Variants in MAPK8 observed in about 807,000 individuals in gnomAD.
MAPK8 encodes JUN N-terminal kinase.
A neutral mutation model predicts 52.9 loss-of-function variants in MAPK8; 13 were observed. The ratio of observed to expected loss-of-function variants is 0.25; its 90% CI spans 0.16 to 0.39. The LOEUF (loss-of-function observed/expected upper bound fraction) is 0.39, where lower values mean the gene tolerates loss of function less well. Ranked by LOEUF, MAPK8 falls within the 10% of genes least tolerant of loss-of-function variation. MAPK8 has a pLI of 1.00. For synonymous variants in MAPK8, 191 were observed against 169.8 expected, an observed-to-expected ratio of 1.12 and a Z score of -0.97; for missense variants, 300 against 519.2, an observed-to-expected ratio of 0.58 and a Z score of 4.10.
chr10:48,399,087 C>T (rs560476804), intron 1 of MAPK8, among the ~76,000 whole-genome samples: 5 of 152,276 alleles, frequency 3.3e-5, no homozygotes, highest in African/African-American at 7.2e-5. Flanking sequence ...CTTGCTTAAA[C>T]GTCATGTTGT....
chr10:48,434,147 T>C (rs527283831), intron 11 of MAPK8, among the ~76,000 whole-genome samples: 1 of 152,314 alleles, frequency 6.6e-6, no homozygotes, highest in Admixed American at 6.5e-5. Flanking sequence ...GCTTGTTAGG[T>C]AATACTTTCG....
intron 1 of MAPK8, among the ~76,000 whole-genome samples, chr10:48,345,708 G>T (rs899452443): frequency 1.3e-5 from 2 of 152,180 alleles, no homozygotes; most frequent in Non-Finnish European, 2.9e-5. Flanking sequence ...AGAACTGGGT[G>T]GATCTGCTCA....
At chr10:48,371,460 A>AT (rs771022438) in intron 1 of MAPK8, among the ~76,000 whole-genome samples, 3 of 151,956 alleles carry the variant, frequency 2.0e-5, no homozygotes, top group East Asian at 3.9e-4. Context: ...TTATTCAAGG[A>AT]TTTTTTTCCC....
At chr10:48,414,405 A>G (rs1350906923) in intron 5 of MAPK8, among the ~76,000 whole-genome samples, 2 of 145,648 alleles carry the variant, frequency 1.4e-5, no homozygotes, top group East Asian at 2.0e-4. Flanking sequence ...TATGTTTTGT[A>G]TTTTAGTTAA....
intron 1 of MAPK8, among the ~76,000 whole-genome samples, chr10:48,355,463 T>TG (rs1464482174): frequency 6.9e-6 from 1 of 145,094 alleles, no homozygotes; most frequent in East Asian, 2.0e-4. Flanking sequence ...GAGCCGAGAT[T>TG]GCGCCACTGC....
intron 1 of MAPK8, among the ~76,000 whole-genome samples, chr10:48,368,039 G>A (rs1479628784): frequency 6.6e-6 from 1 of 152,182 alleles, no homozygotes; most frequent in Non-Finnish European, 1.5e-5. Flanking sequence ...AGAGAGAGTA[G>A]TTAAGAAATC....
chr10:48,393,877 A>G (rs1251801388), intron 1 of MAPK8, among the ~76,000 whole-genome samples: 1 of 152,022 alleles, frequency 6.6e-6, no homozygotes, highest in Non-Finnish European at 1.5e-5. Context: ...AGAGAAAAGT[A>G]AGAGAAATTA....
intron 1 of MAPK8, among the ~76,000 whole-genome samples, chr10:48,345,561 T>C (rs1310394884): frequency 6.6e-6 from 1 of 152,192 alleles, no homozygotes; most frequent in Non-Finnish European, 1.5e-5. Context: ...AACTTCTAAG[T>C]GATATGGTAC....
intron 1 of MAPK8, among the ~76,000 whole-genome samples, chr10:48,379,329 C>T (rs1451807133): frequency 3.3e-5 from 5 of 152,164 alleles, no homozygotes; most frequent in South Asian, 2.1e-4. Flanking sequence ...TTTTTATTGG[C>T]TCTATAAAGT....
chr10:48,329,934 TA>T lies in MAPK8; in HGVS notation c.-50+23120del, dbSNP rs977329878. ...GAGGAAGAGAGCAACAGGAAGCATT[TA>T]AAAAAATTTTTTTTAAACTAACGGC... On this transcript the variant is annotated intron_variant, in intron 1 of 11. Coordinates refer to ENST00000374189, the MANE Select transcript of MAPK8 (RefSeq NM_001323329.2). Among the ~76,000 whole-genome samples, 7 of 152,300 alleles carry T rather than the reference TA, an allele frequency of 4.6e-5. No homozygotes were observed. The South Asian group carries it at 8.3e-4, about 18-fold the overall frequency.
intron 3 of MAPK8, among the ~76,000 whole-genome samples, chr10:48,406,628 T>C (rs12569575): frequency 6.6e-6 from 1 of 152,192 alleles, no homozygotes; most frequent in Non-Finnish European, 1.5e-5. Context: ...CTGGAAATGG[T>C]AACTGAATTA....
rs1262467460 is a variant in MAPK8, at chr10:48,382,924, A to G, written c.-49-18688A>G. ...GCTATGTGTATATATATATATGTAT[A>G]TATATATAGCTATGTGTATATATAT... On this transcript the variant is annotated intron_variant, in intron 1 of 11. Transcript: ENST00000374189. Among the ~76,000 whole-genome samples the G allele has an allele frequency of 1.4e-4, 6 of 44,240 alleles. 1 individual carries two copies. The East Asian group carries it at 6.9e-3, about 51-fold the overall frequency. The allele number at this position is 44,240 out of a possible 152,430, so 29.0% of individuals were successfully genotyped here.
At chr10:48,344,079 A>G (rs187442875) in intron 1 of MAPK8, among the ~76,000 whole-genome samples, 59 of 152,354 alleles carry the variant, frequency 3.9e-4, no homozygotes, top group African/African-American at 1.4e-3. Flanking sequence ...GCCAGGATTT[A>G]CTTAAGGAAT....
chr10:48,341,738 A>G (rs184474837), intron 1 of MAPK8, among the ~76,000 whole-genome samples: 43 of 152,356 alleles, frequency 2.8e-4, no homozygotes, highest in African/African-American at 9.9e-4. Flanking sequence ...GATGAGTACA[A>G]TGAAAGAGAA....
chr10:48,359,434 G>A (rs1847316472), intron 1 of MAPK8, among the ~76,000 whole-genome samples: 1 of 152,062 alleles, frequency 6.6e-6, no homozygotes, highest in Admixed American at 6.6e-5. Context: ...GATCATTTTA[G>A]TGTTTAAGTT....
chr10:48,312,413 C>G (rs997180384), intron 1 of MAPK8, among the ~76,000 whole-genome samples: 3 of 152,172 alleles, frequency 2.0e-5, no homozygotes, highest in Admixed American at 6.5e-5. Context: ...AAGTCTCTCT[C>G]CAGTATTGAG....
At chr10:48,328,624 A>G (rs2132227745) in intron 1 of MAPK8, among the ~76,000 whole-genome samples, 1 of 152,344 alleles carries the variant, frequency 6.6e-6, no homozygotes, top group East Asian at 1.9e-4. Context: ...TAAACTTTAA[A>G]CAGATTTGAC....
chr10:48,434,375 A>G (rs567900872), intron 11 of MAPK8, among the ~76,000 whole-genome samples: 2 of 152,318 alleles, frequency 1.3e-5, no homozygotes, highest in Admixed American at 6.5e-5. Context: ...TTAAAACAAG[A>G]TGTGCCAGAA....
chr10:48,426,587 T>C, intron 9 of MAPK8, 83 bp downstream of exon 9: 2 of 1,298,302 alleles, frequency 1.5e-6, no homozygotes. Flanking sequence ...GACCTTTTAA[T>C]TTTAAATAAA....
Sources: allele counts gnomAD v4.1 joint callset (sites outside exome capture counted in the v4.1 genomes callset), GRCh38; gene constraint gnomAD v4.1.1; transcripts MANE v1.5; gene names NCBI Gene and HGNC (gene_info 2026-07-23, HGNC 2026-07-21).